USP19: variants seen among roughly 807,000 people sequenced by gnomAD.
The protein encoded by USP19 is ubiquitin specific peptidase 19.
A neutral mutation model predicts 144.8 loss-of-function variants in USP19; 40 were observed. That is an observed-to-expected ratio of 0.28 (90% CI 0.21 to 0.36). The LOEUF (loss-of-function observed/expected upper bound fraction) is 0.36. USP19 is among the 10% of genes least tolerant of loss of function. The pLI is 1.00. For synonymous variants in USP19, 701 were observed against 709.3 expected (o/e 0.99, Z 0.19); for missense variants, 1,518 against 1,822.5 (o/e 0.83, Z 3.04).
chr3:49,108,350 C>G lies in USP19; in HGVS notation c.*62G>C, dbSNP rs1405226563. The G allele has an allele frequency of 8.9e-6, 5 of 561,920 alleles. No homozygotes were observed. Among genetic ancestry groups the G allele is most frequent in the Non-Finnish European group, 1.5e-5 (5 of 343,190 alleles). The allele number at this position is 561,920 out of a possible 1,614,324, so 34.8% of individuals were successfully genotyped here. A position where few individuals can be genotyped will look rare whatever the true frequency, so the allele number is the denominator to read the frequency against. On this transcript the variant is annotated 3_prime_UTR_variant, in exon 27 of 27. Transcript: ENST00000417901. This position sits in a 1 kb window ranked among gnomAD's most constrained non-coding sequence, Gnocchi z 4.8. Reference sequence around the variant, plus strand: ...CTCTGGGTTAGAGAAGGAGAAGCGGCAAGGAGCTGGCCCTCTGTGTGGGTG... The same window carrying G: ...CTCTGGGTTAGAGAAGGAGAAGCGGGAAGGAGCTGGCCCTCTGTGTGGGTG...
chr3:49,117,609 T>G lies in USP19; in HGVS notation c.473-39A>C, dbSNP rs749049925. On this transcript the variant is annotated intron_variant, in intron 4 of 26. Coordinates refer to ENST00000417901, the MANE Select transcript of USP19 (RefSeq NM_001199161.2). The surrounding 1 kb of genome is among the most constrained non-coding windows in gnomAD (Gnocchi z 4.4). ...AGGGTCCATGAGGTAGGATAGGAGATATCAGAAGATTCAAACATACTACTG... is the reference window on the plus strand; with the variant it reads ...AGGGTCCATGAGGTAGGATAGGAGAGATCAGAAGATTCAAACATACTACTG... The G allele has an allele frequency of 1.9e-6, 3 of 1,614,044 alleles. 1 individual carries two copies. In the South Asian group the frequency reaches 3.3e-5, roughly 18 times the overall value.
At position 49,116,827 on chromosome 3, in the gene USP19, G is replaced by A. The variant is rs2044225558; in HGVS notation, c.1026C>T (p.Asp342=). 4 of 1,613,982 alleles carry A rather than the reference G, an allele frequency of 2.5e-6. No individual in the cohort carries two copies. Among genetic ancestry groups the A allele is most frequent in the Admixed American group, 1.7e-5 (1 of 60,002 alleles). The stretch of plus-strand genomic sequence containing the variant: ...TCCGGACCATGGCTGGAGAGACTGG[G>A]TCATTCCCGGGAGGCACTGCTTTCT... ...AGEKAVPPGN[D]PVSPAMVRSR... Residue 342 remains aspartate (D), a synonymous_variant, in exon 7 of 27, where the codon GAC becomes GAT. Transcript: ENST00000417901. This position sits in a 1 kb window ranked among gnomAD's most constrained non-coding sequence, Gnocchi z 5.0.
At position 49,111,223 on chromosome 3, in the gene USP19, A is replaced by C; in HGVS notation, c.3328+32T>G. On this transcript the variant is annotated intron_variant, in intron 22 of 26. Transcript: ENST00000417901. The surrounding 1 kb of genome is among the most constrained non-coding windows in gnomAD (Gnocchi z 5.9). ...CTGTGGAGAACAGCCAGCTCAACCC[A>C]CCCCATGGCTCCCACCCACAGCCTC... The C allele has an allele frequency of 1.9e-6, 3 of 1,613,148 alleles. No homozygotes were observed. Among genetic ancestry groups the C allele is most frequent in the Non-Finnish European group, 2.5e-6 (3 of 1,179,648 alleles).
rs535799459 is a variant in USP19, at chr3:49,108,657, A to G, written c.4039-129T>C. The G allele has an allele frequency of 1.6e-6, 2 of 1,288,538 alleles. No homozygotes were observed. Among genetic ancestry groups the G allele is most frequent in the Non-Finnish European group, 2.0e-6 (2 of 1,017,194 alleles). 79.8% of individuals were successfully genotyped at this position (1,288,538 alleles called of 1,614,324 possible). A position where few individuals can be genotyped will look rare whatever the true frequency, so the allele number is the denominator to read the frequency against. On this transcript the variant is annotated intron_variant, in intron 26 of 26. Transcript: ENST00000417901. This position sits in a 1 kb window ranked among gnomAD's most constrained non-coding sequence, Gnocchi z 4.8. ...GCAGGCGCAGACAGCAGCGGCGTTGAGACAGAGAGACGAGATTGGGCCTGA... is the reference window on the plus strand; with the variant it reads ...GCAGGCGCAGACAGCAGCGGCGTTGGGACAGAGAGACGAGATTGGGCCTGA...
rs1350896244 is a variant in USP19, at chr3:49,110,684, CCA to C, written c.3698+25_3698+26del. The C allele has an allele frequency of 4.3e-6, 7 of 1,612,302 alleles. No individual in the cohort carries two copies. In the African/African-American group the frequency reaches 9.3e-5, roughly 22 times the overall value. ...GCCCATCCTGGTCCTCACACCCCAC[CCA>C]CAGTTACCAAGGTCCACTGCTTACC... is the stretch of plus-strand genomic sequence containing the variant. On this transcript the variant is annotated intron_variant, in intron 24 of 26. Coordinates refer to ENST00000417901, the MANE Select transcript of USP19 (RefSeq NM_001199161.2). The surrounding 1 kb of genome is among the most constrained non-coding windows in gnomAD (Gnocchi z 6.1).
chr3:49,118,260 T>A, intron 2 of USP19, 140 bp from the exon 3 acceptor site: 4 of 321,624 alleles, frequency 1.2e-5, no homozygotes, highest in Non-Finnish European at 2.2e-5. Flanking sequence ...AGTGAGACCC[T>A]GCCTTTAAAA....
At position 49,115,206 on chromosome 3, in the gene USP19, G is replaced by C; in HGVS notation, c.2022+22C>G. ...GCCCTCCCCGCCCCCTCCAGCCAAG[G>C]GTGACAGTGGTCACAGATCACCTTC... On this transcript the variant is annotated intron_variant, in intron 13 of 26. Transcript: ENST00000417901. This position sits in a 1 kb window ranked among gnomAD's most constrained non-coding sequence, Gnocchi z 6.6. The C allele has an allele frequency of 6.2e-7, 1 of 1,613,482 alleles. No homozygotes were observed. The highest frequency in any genetic ancestry group is 1.1e-5 in the South Asian group (1 of 91,040).
chr3:49,118,047 G>A lies in USP19; in HGVS notation c.198C>T (p.Ser66=), dbSNP rs927546977. Reference sequence around the variant, plus strand: ...GTGAGCCTGTGATCCCAGCTGCATGGGAGGCTGAGGCAGAAGGATCACCTG... The same window carrying A: ...GTGAGCCTGTGATCCCAGCTGCATGAGAGGCTGAGGCAGAAGGATCACCTG... The part of the protein sequence containing the change: ...LASGDPSASA[S]HAAGITGSRH... The change falls in exon 3 of 27, where the codon TCC becomes TCT. Residue 66 remains serine, a synonymous_variant. Transcript: ENST00000417901. 3 of 1,596,376 alleles carry A rather than the reference G, an allele frequency of 1.9e-6. No homozygotes were observed. The African/African-American group carries it at 4.1e-5, about 22-fold the overall frequency.
intron 2 of USP19, 146 bp from the exon 3 acceptor site, chr3:49,118,266 T>TAAAA (rs541189590): frequency 1.8e-5 from 4 of 217,142 alleles, no homozygotes; most frequent in East Asian, 9.3e-5. Flanking sequence ...ACCCTGCCTT[T>TAAAA]AAAAAAAAAA....
In USP19 at chr3:49,118,122, TAA is replaced by T; in HGVS notation, c.125-4_125-3del. 2.1e-5 allele frequency: 21 copies of T among 1,004,080 alleles called. No homozygotes were observed. The highest frequency in any genetic ancestry group is 2.7e-4 in the Middle Eastern group (1 of 3,694). 62.2% of individuals were successfully genotyped at this position (1,004,080 alleles called of 1,614,324 possible). On this transcript the variant is annotated splice_polypyrimidine_tract_variant and splice_region_variant and intron_variant, in intron 2 of 26. Transcript: ENST00000417901. ...GGGCAACATATCGAGACCCTGTCTC[TAA>T]AAAAAAAATAAGAAAAATTAGTCAA...
rs375623708 is a variant in USP19, at chr3:49,115,691, C to T, written c.1692+33G>A. The T allele has an allele frequency of 4.2e-5, 68 of 1,605,618 alleles. No homozygotes were observed. The highest frequency in any genetic ancestry group is 4.9e-5 in the Non-Finnish European group (58 of 1,173,502). ...AACAGCCCCAAGACTCTCCAGCCTC[C>T]ATTCTTCGTCCTTCCCACCCCAGAA... On this transcript the variant is annotated intron_variant, in intron 11 of 26. Coordinates refer to ENST00000417901, the MANE Select transcript of USP19 (RefSeq NM_001199161.2). The surrounding 1 kb of genome is among the most constrained non-coding windows in gnomAD (Gnocchi z 6.6).
rs755917653 is a variant in USP19 at position 49,115,861 on chromosome 3, G to A, written c.1555C>T (p.Leu519=). Residue 519 remains leucine (L), a synonymous_variant, in exon 11 of 27, where the codon CTG becomes TTG. Transcript: ENST00000417901. The surrounding 1 kb of genome is among the most constrained non-coding windows in gnomAD (Gnocchi z 6.6). ...STPPGGAPHP[L]TGQEEARAVE... Reference sequence around the variant, plus strand: ...GCCCGGGCCTCCTCCTGGCCTGTCAGGGGGTGGGGAGCACCTCCTGGTGGG... The same window carrying A: ...GCCCGGGCCTCCTCCTGGCCTGTCAAGGGGTGGGGAGCACCTCCTGGTGGG... 1 of 1,605,170 alleles carries A rather than the reference G, an allele frequency of 6.2e-7. No individual in the cohort carries two copies.
At position 49,113,959 on chromosome 3, in the gene USP19, C is replaced by T. The variant is rs1186691966; in HGVS notation, c.2505+33G>A. On this transcript the variant is annotated intron_variant, in intron 17 of 26. Coordinates refer to ENST00000417901, the MANE Select transcript of USP19 (RefSeq NM_001199161.2). Reference sequence around the variant, plus strand: ...TGTGGTGAGTACACACACACATCCACACATGTGATAGCCCAAGGAAGGACA... The same window carrying T: ...TGTGGTGAGTACACACACACATCCATACATGTGATAGCCCAAGGAAGGACA... 1.9e-6 allele frequency: 3 copies of T among 1,606,156 alleles called. No homozygotes were observed. The South Asian group carries it at 3.3e-5, about 18-fold the overall frequency.
At position 49,110,693 on chromosome 3, in the gene USP19, C is replaced by G. The variant is rs754294280; in HGVS notation, c.3698+18G>C. On this transcript the variant is annotated intron_variant, in intron 24 of 26. Coordinates refer to ENST00000417901, the MANE Select transcript of USP19 (RefSeq NM_001199161.2). This position sits in a 1 kb window ranked among gnomAD's most constrained non-coding sequence, Gnocchi z 6.1. ...GGTCCTCACACCCCACCCACAGTTA[C>G]CAAGGTCCACTGCTTACCTAACAGG... The G allele has an allele frequency of 6.2e-7, 1 of 1,613,040 alleles. No individual in the cohort carries two copies. The highest frequency in any genetic ancestry group is 8.5e-7 in the Non-Finnish European group (1 of 1,179,326).
rs760784056 is a variant in USP19 at position 49,108,713 on chromosome 3, C to G, written c.4039-185G>C. 2.2e-6 allele frequency: 3 copies of G among 1,344,566 alleles called. No individual in the cohort carries two copies. The highest frequency in any genetic ancestry group is 2.9e-5 in the East Asian group (1 of 34,828). The allele number at this position is 1,344,566 out of a possible 1,614,324, so 83.3% of individuals were successfully genotyped here. On this transcript the variant is annotated intron_variant, in intron 26 of 26. Transcript: ENST00000417901. The surrounding 1 kb of genome is among the most constrained non-coding windows in gnomAD (Gnocchi z 4.8). ...CTGGTTTTATTAACACTTTTAAGTA[C>G]AGGAAGTAGCTTGGGCAGGGCCAAG...
At chr3:49,120,109 C>T (rs977968342) in intron 1 of USP19, among the ~76,000 whole-genome samples, 1 of 152,198 alleles carries the variant, frequency 6.6e-6, no homozygotes, top group African/African-American at 2.4e-5. Context: ...TGGACTGTTT[C>T]CTCCTCCAAA....
Position 49,108,547 on chromosome 3 carries a change from A to G in USP19, c.4039-19T>C. The G allele has an allele frequency of 8.1e-7, 1 of 1,232,744 alleles. No homozygotes were observed. The highest frequency in any genetic ancestry group is 1.0e-6 in the Non-Finnish European group (1 of 962,784). 76.4% of individuals were successfully genotyped at this position (1,232,744 alleles called of 1,614,324 possible). On this transcript the variant is annotated intron_variant, in intron 26 of 26. Transcript: ENST00000417901. This position sits in a 1 kb window ranked among gnomAD's most constrained non-coding sequence, Gnocchi z 4.8. ...CTAGTCCCTGCAACAGAATACGAGGACAGGGGTTGGGGGCTGCCCAGCATG... is the reference window on the plus strand; with the variant it reads ...CTAGTCCCTGCAACAGAATACGAGGGCAGGGGTTGGGGGCTGCCCAGCATG...
At position 49,110,833 on chromosome 3, in the gene USP19, C is replaced by T; in HGVS notation, c.3576G>A (p.Glu1192=). ...GCCATAGCAACAGCTGCTTGGAGGC[C>T]TCACGGTGCTGTTTGCACTGTGGGC... ...WYCPQCKQHR[E]ASKQLLLWRL... Residue 1192 remains glutamate, a synonymous_variant, in exon 24 of 27, where the codon GAG becomes GAA. Transcript: ENST00000417901. This position sits in a 1 kb window ranked among gnomAD's most constrained non-coding sequence, Gnocchi z 6.1. The T allele has an allele frequency of 6.2e-7, 1 of 1,614,194 alleles. No individual in the cohort carries two copies. Among genetic ancestry groups the T allele is most frequent in the Non-Finnish European group, 8.5e-7 (1 of 1,180,046 alleles).
chr3:49,115,641 T>C lies in USP19; in HGVS notation c.1693-2A>G. The C allele has an allele frequency of 6.2e-7, 1 of 1,607,936 alleles. No individual in the cohort carries two copies. The highest frequency in any genetic ancestry group is 8.5e-7 in the Non-Finnish European group (1 of 1,176,696). On this transcript the variant is annotated splice_acceptor_variant, in intron 11 of 26. Coordinates refer to ENST00000417901, the MANE Select transcript of USP19 (RefSeq NM_001199161.2). LOFTEE classifies it high-confidence loss of function. The surrounding 1 kb of genome is among the most constrained non-coding windows in gnomAD (Gnocchi z 6.6). ...AGGCACCATGCATGTAGGCTTGGGC[T>C]GCAGGAGCAAAGACGACATGAGAGA...
Sources: allele counts gnomAD v4.1 joint callset (sites outside exome capture counted in the v4.1 genomes callset), GRCh38; gene constraint gnomAD v4.1.1; non-coding constraint Gnocchi (gnomAD v3.1); transcripts MANE v1.5; gene names NCBI Gene and HGNC (gene_info 2026-07-23, HGNC 2026-07-21).